Variants in GNL3L observed in about 807,000 individuals in gnomAD.
GNL3L encodes guanine nucleotide-binding protein-like 3-like protein.
In GNL3L, 4 loss-of-function variants were observed where a neutral mutation model predicts 42.9. The ratio of observed to expected loss-of-function variants is 0.09; its 90% CI spans 0.05 to 0.21. GNL3L has a LOEUF of 0.21. Ranked by LOEUF, GNL3L falls within the 10% of genes least tolerant of loss-of-function variation. The probability of loss-of-function intolerance (pLI) is 1.00; values close to 1 mark genes in which losing one functional copy is unlikely to be tolerated. For missense variants in GNL3L, 412 were observed against 481.7 expected (o/e 0.86, Z 1.36); for synonymous variants, 159 against 176.3 (o/e 0.90, Z 0.78).
At chrX:54,548,193 G>C in intron 8 of GNL3L, 36 bp from the exon 9 acceptor site, 1 of 1,176,744 alleles carries the variant, frequency 8.5e-7, no homozygotes, top group Admixed American at 2.2e-5. Context: ...TCTGCCACCT[G>C]ATGTCTCTTC....
At chrX:54,540,339 G>A in intron 4 of GNL3L, 97 bp downstream of exon 4, 1 of 549,527 alleles carries the variant, frequency 1.8e-6, no homozygotes. Flanking sequence ...AGTTGTTAGG[G>A]TTGTTGAGGC....
chrX:54,603,073 G>A (rs1926021312), intron 16 of GNL3L, among the ~76,000 whole-genome samples: 1 of 111,898 alleles, frequency 8.9e-6, no homozygotes, highest in South Asian at 3.7e-4. Flanking sequence ...TATAAGCCTA[G>A]AACATCTTGC....
At position 54,563,940 on chromosome X, in the gene GNL3L, A is replaced by G. The variant is rs976943702; in HGVS notation, c.*3338A>G. Among the ~76,000 whole-genome samples, 4 of 111,514 alleles carry G rather than the reference A, an allele frequency of 3.6e-5. No homozygotes were observed. Among genetic ancestry groups the G allele is most frequent in the African/African-American group, 1.3e-4 (4 of 30,662 alleles). On this transcript the variant is annotated 3_prime_UTR_variant, in exon 16 of 16. Transcript: ENST00000360845. ...GTACAATTTACATATAGTAAAGTTC[A>G]CTCTTTATAGTTTTAGTTATGTGAG... is the stretch of plus-strand genomic sequence containing the variant.
At chrX:54,572,501 G>T (rs1317259798) in intron 16 of GNL3L, among the ~76,000 whole-genome samples, 4 of 110,973 alleles carry the variant, frequency 3.6e-5, no homozygotes, top group Non-Finnish European at 7.6e-5. Context: ...ATCCTGGCCC[G>T]TTCTCAATGA....
At chrX:54,600,247 A>G (rs866268525) in intron 16 of GNL3L, among the ~76,000 whole-genome samples, 26 of 40,581 alleles carry the variant, frequency 6.4e-4, no homozygotes, top group African/African-American at 3.1e-3. Context: ...TTTTTTTAAG[A>G]CGGAGTTTTG....
intron 16 of GNL3L, among the ~76,000 whole-genome samples, chrX:54,595,093 T>C (rs1306369178): frequency 8.9e-6 from 1 of 112,321 alleles, no homozygotes; most frequent in Non-Finnish European, 1.9e-5. Flanking sequence ...TGTTTTTCTG[T>C]GTACTTACTA....
intron 13 of GNL3L, among the ~76,000 whole-genome samples, chrX:54,554,044 A>G (rs755204807): frequency 2.2e-4 from 25 of 111,289 alleles, no homozygotes; most frequent in Admixed American, 8.7e-4. Context: ...ACTTGGCCCT[A>G]GTGCTGGATC....
chrX:54,626,153 C>T (rs911734773), downstream of GNL3L, among the ~76,000 whole-genome samples: 4 of 111,296 alleles, frequency 3.6e-5, no homozygotes, highest in Non-Finnish European at 7.6e-5. Flanking sequence ...GCTGTAATTT[C>T]GTATCTGTTA....
intron 5 of GNL3L, 67 bp from the exon 6 acceptor site, chrX:54,542,888 C>A: frequency 1.5e-6 from 1 of 656,820 alleles, no homozygotes; most frequent in Non-Finnish European, 2.5e-6. Flanking sequence ...GTTTAAAAAG[C>A]CCTGCTTCTC....
In GNL3L at chrX:54,550,953, T is replaced by C. The variant is rs372590971; in HGVS notation, c.776-10T>C. Reference sequence around the variant, plus strand: ...TCTTCTGCCCTGAGCCATCTGCTGCTATTTTGTAGGTCTTCCCAATGTTGG... The same window carrying C: ...TCTTCTGCCCTGAGCCATCTGCTGCCATTTTGTAGGTCTTCCCAATGTTGG... On this transcript the variant is annotated splice_polypyrimidine_tract_variant and intron_variant, in intron 9 of 15. Coordinates refer to ENST00000360845, the MANE Select transcript of GNL3L (RefSeq NM_001184819.2). 1.2e-4 allele frequency: 119 copies of C among 1,003,537 alleles called. No homozygotes were observed. Among genetic ancestry groups the C allele is most frequent in the Non-Finnish European group, 1.6e-4 (110 of 707,173 alleles). The allele number at this position is 1,003,537 out of a possible 1,213,427, so 82.7% of individuals were successfully genotyped here. A position where few individuals can be genotyped will look rare whatever the true frequency, so the allele number is the denominator to read the frequency against.
At chrX:54,551,485 C>T in intron 10 of GNL3L, 83 bp from the exon 11 acceptor site, 2 of 830,292 alleles carry the variant, frequency 2.4e-6, no homozygotes, top group Non-Finnish European at 3.6e-6. Context: ...CACTCCTTTA[C>T]ACTCCCACAT....
chrX:54,543,172 T>C (rs1187090583), intron 6 of GNL3L, 35 bp from the exon 7 acceptor site: 1 of 1,200,708 alleles, frequency 8.3e-7, no homozygotes, highest in Admixed American at 2.2e-5. Context: ...CCCTATCCTT[T>C]TCCTGCCCTC....
chrX:54,607,086 T>C (rs1315664463), intron 16 of GNL3L, among the ~76,000 whole-genome samples: 1 of 52,401 alleles, frequency 1.9e-5, no homozygotes. Flanking sequence ...TTCTTTCTTC[T>C]TTCTTTCTTT....
intron 16 of GNL3L, among the ~76,000 whole-genome samples, chrX:54,610,220 G>GT (rs376511656): frequency 1.2e-4 from 13 of 111,475 alleles, no homozygotes; most frequent in East Asian, 2.8e-4. Context: ...ACTTGGCTGA[G>GT]TTTTTTTTAT....
downstream of GNL3L, among the ~76,000 whole-genome samples, chrX:54,568,515 T>C (rs1395638484): frequency 9.0e-6 from 1 of 110,805 alleles, no homozygotes; most frequent in African/African-American, 3.3e-5. Context: ...CCTAGAATAA[T>C]GGCTTCTTTC....
chrX:54,551,252 G>A (rs890183695), intron 10 of GNL3L, among the ~76,000 whole-genome samples: 7 of 112,308 alleles, frequency 6.2e-5, no homozygotes, highest in East Asian at 2.8e-4. Context: ...TCCCATTAGC[G>A]CCTTGAAGCT....
chrX:54,606,221 A>G (rs756499685), intron 16 of GNL3L, among the ~76,000 whole-genome samples: 4 of 111,701 alleles, frequency 3.6e-5, no homozygotes, highest in Non-Finnish European at 5.6e-5. Flanking sequence ...AAAACAAGGT[A>G]GAGTATACGC....
chrX:54,532,312 C>T (rs1391802247), intron 1 of GNL3L, among the ~76,000 whole-genome samples: 3 of 110,453 alleles, frequency 2.7e-5, no homozygotes, highest in Non-Finnish European at 5.7e-5. Context: ...AGGTTGAGAC[C>T]TATTCCTCCC....
intron 16 of GNL3L, among the ~76,000 whole-genome samples, chrX:54,589,769 G>T (rs1047444808): frequency 1.8e-5 from 2 of 111,001 alleles, no homozygotes; most frequent in Non-Finnish European, 3.8e-5. Flanking sequence ...TAGGATTGCT[G>T]GATCATATGT....
Sources: allele counts gnomAD v4.1 joint callset (sites outside exome capture counted in the v4.1 genomes callset), GRCh38; gene constraint gnomAD v4.1.1; transcripts MANE v1.5; gene names NCBI Gene and HGNC (gene_info 2026-07-23, HGNC 2026-07-21).